The following NKAIN2 variants were observed in gnomAD, a reference collection of about 807,000 sequenced individuals.
NKAIN2 encodes the protein sodium/potassium-transporting ATPase subunit beta-1-interacting protein 2.
A neutral mutation model predicts 32.6 loss-of-function variants in NKAIN2; 14 were observed. The observed-to-expected ratio is 0.43, with a 90% CI of 0.28 to 0.67. The LOEUF is 0.67. Among genes scored for constraint, NKAIN2 ranks in the 30% least tolerant of loss-of-function variants. The pLI is 0.17. For synonymous variants in NKAIN2, 80 were observed against 87.2 expected (o/e 0.92, Z 0.46); for missense variants, 198 against 258.3 (o/e 0.77, Z 1.60).
At chr6:124,500,165 T>G (rs1457446560) in intron 3 of NKAIN2, among the ~76,000 whole-genome samples, 1 of 152,206 alleles carries the variant, frequency 6.6e-6, no homozygotes, top group Non-Finnish European at 1.5e-5. Flanking sequence ...TTTCCAAATG[T>G]AAACAGAACT....
intron 2 of NKAIN2, among the ~76,000 whole-genome samples, chr6:124,288,839 G>A (rs185927768): frequency 1.4e-4 from 21 of 152,120 alleles, no homozygotes; most frequent in Admixed American, 1.4e-3. Context: ...AAAAGACCTA[G>A]GAAACACCAA....
chr6:123,914,155 T>C, intron 1 of NKAIN2, among the ~76,000 whole-genome samples: 1 of 152,106 alleles, frequency 6.6e-6, no homozygotes, highest in East Asian at 1.9e-4. Flanking sequence ...GCCCTCTTTC[T>C]CTCTTACCAG....
At chr6:124,101,012 G>A (rs906928926) in intron 1 of NKAIN2, among the ~76,000 whole-genome samples, 1 of 152,148 alleles carries the variant, frequency 6.6e-6, no homozygotes, top group African/African-American at 2.4e-5. Context: ...TTTTATATTA[G>A]CTGGTGGATA....
chr6:124,065,238 A>G (rs531337621), intron 1 of NKAIN2, among the ~76,000 whole-genome samples: 1 of 152,092 alleles, frequency 6.6e-6, no homozygotes, highest in Non-Finnish European at 1.5e-5. Context: ...ACACACACAC[A>G]CAACACTCAA....
At chr6:124,789,944 G>A (rs1779669121) in intron 4 of NKAIN2, among the ~76,000 whole-genome samples, 1 of 151,936 alleles carries the variant, frequency 6.6e-6, no homozygotes. Context: ...ACAGTTGGGG[G>A]TAGAGAGGGC....
intron 4 of NKAIN2, among the ~76,000 whole-genome samples, chr6:124,669,870 C>T (rs1773011007): frequency 6.6e-6 from 1 of 151,916 alleles, no homozygotes; most frequent in African/African-American, 2.4e-5. Flanking sequence ...TTTCCTTCTG[C>T]CTGACAAGCC....
chr6:123,844,247 AG>A (rs1362247254), intron 1 of NKAIN2, among the ~76,000 whole-genome samples: 1 of 152,228 alleles, frequency 6.6e-6, no homozygotes, highest in Non-Finnish European at 1.5e-5. Context: ...TTGGGAGGAA[AG>A]CGATTCTGGC....
At chr6:124,624,382 C>CTAT (rs1247296852) in intron 3 of NKAIN2, among the ~76,000 whole-genome samples, 1 of 152,056 alleles carries the variant, frequency 6.6e-6, no homozygotes, top group Non-Finnish European at 1.5e-5. Context: ...TCAGGTTCTG[C>CTAT]TATTTACCAG....
intron 3 of NKAIN2, among the ~76,000 whole-genome samples, chr6:124,439,358 GT>G (rs35754541): frequency 0.32 from 47,384 of 146,348 alleles, 8,088 homozygotes; most frequent in African/African-American, 0.46. Context: ...TCCACTTGTT[GT>G]TTTTTTTTTT....
At chr6:124,240,901 G>A (rs1226941634) in intron 1 of NKAIN2, among the ~76,000 whole-genome samples, 3 of 152,090 alleles carry the variant, frequency 2.0e-5, no homozygotes, top group African/African-American at 7.2e-5. Context: ...GGGTAATCAG[G>A]CAAGATAAAG....
chr6:124,331,365 A>AAC (rs1562494286), intron 2 of NKAIN2, among the ~76,000 whole-genome samples: 3 of 141,824 alleles, frequency 2.1e-5, no homozygotes, highest in African/African-American at 8.0e-5. Flanking sequence ...AAAAAAAAAA[A>AAC]AAAAAAAAAA....
At chr6:124,063,294 C>T (rs1032340071) in intron 1 of NKAIN2, among the ~76,000 whole-genome samples, 1 of 151,960 alleles carries the variant, frequency 6.6e-6, no homozygotes, top group Non-Finnish European at 1.5e-5. Context: ...GTAACTGGCC[C>T]AAGGACACAC....
intron 3 of NKAIN2, among the ~76,000 whole-genome samples, chr6:124,410,713 C>G (rs551603170): frequency 1.3e-5 from 2 of 152,018 alleles, no homozygotes; most frequent in Non-Finnish European, 2.9e-5. Context: ...CTATTAGGTC[C>G]GCTTGGTGCA....
intron 1 of NKAIN2, among the ~76,000 whole-genome samples, chr6:124,024,638 C>T (rs886364170): frequency 6.6e-6 from 1 of 151,906 alleles, no homozygotes; most frequent in African/African-American, 2.4e-5. Context: ...TTATAATAGC[C>T]GTGATTATTA....
intron 1 of NKAIN2, among the ~76,000 whole-genome samples, chr6:124,018,045 A>T (rs1389638575): frequency 6.6e-6 from 1 of 152,144 alleles, no homozygotes; most frequent in Admixed American, 6.5e-5. Context: ...AGGCATTTCC[A>T]TACCTCCTCT....
intron 3 of NKAIN2, among the ~76,000 whole-genome samples, chr6:124,615,460 A>T (rs1390326317): frequency 6.6e-6 from 1 of 152,204 alleles, no homozygotes; most frequent in African/African-American, 2.4e-5. Flanking sequence ...ATATCAAGGT[A>T]AAGTCCTTAA....
chr6:124,364,250 A>AAAAAGAG (rs3054409), intron 3 of NKAIN2, among the ~76,000 whole-genome samples: 2,299 of 139,706 alleles, frequency 0.016, 72 homozygotes, highest in East Asian at 0.1. Flanking sequence ...AAAAAAAAAA[A>AAAAAGAG]AGAGAGAAAA....
At chr6:123,838,638 A>G (rs1774729683) in intron 1 of NKAIN2, among the ~76,000 whole-genome samples, 1 of 152,208 alleles carries the variant, frequency 6.6e-6, no homozygotes, top group African/African-American at 2.4e-5. Flanking sequence ...AATGTGCTTC[A>G]GGCAAAAGAG....
chr6:123,824,710 T>G (rs1248980861), intron 1 of NKAIN2, among the ~76,000 whole-genome samples: 1 of 150,228 alleles, frequency 6.7e-6, no homozygotes, highest in Admixed American at 6.6e-5. Flanking sequence ...GTTCTACACA[T>G]GTATCCCAGA....
Sources: gnomAD v4.1 joint callset for allele counts (sites outside exome capture counted in the v4.1 genomes callset) on GRCh38, gnomAD v4.1.1 for gene constraint, MANE v1.5 for transcripts, NCBI Gene and HGNC (gene_info 2026-07-23, HGNC 2026-07-21) for gene names.